OPCML: variants seen among roughly 807,000 people sequenced by gnomAD.
The protein encoded by OPCML is opioid-binding protein/cell adhesion molecule.
In OPCML, 13 loss-of-function variants were observed where a neutral mutation model predicts 37.8. That is an observed-to-expected ratio of 0.34 (90% CI 0.22 to 0.55). The LOEUF is 0.55. OPCML is among the 20% of genes least tolerant of loss of function. The pLI, the probability that OPCML is intolerant of heterozygous loss-of-function variation, is 0.91. For missense variants in OPCML, 341 were observed against 435.6 expected (o/e 0.78, Z 1.93); for synonymous variants, 176 against 168.8 (o/e 1.04, Z -0.33).
intron 1 of OPCML, chr11:133,420,883 G>C: frequency 1.0e-6 from 1 of 985,360 alleles, no homozygotes; most frequent in African/African-American, 1.7e-5. Flanking sequence ...TTATATGAGC[G>C]TCTCATGAGC....
chr11:132,457,168 C>A (rs191452176), intron 4 of OPCML, among the ~76,000 whole-genome samples: 1 of 152,098 alleles, frequency 6.6e-6, no homozygotes, highest in Admixed American at 6.5e-5. Flanking sequence ...GCAGAGGTAC[C>A]GTGTCACGAA....
intron 1 of OPCML, among the ~76,000 whole-genome samples, chr11:133,305,168 G>A (rs950351823): frequency 3.9e-5 from 6 of 152,152 alleles, no homozygotes; most frequent in African/African-American, 1.2e-4. Flanking sequence ...ATCTCACAGA[G>A]ATGTTGTGAG....
In OPCML at chr11:133,024,865, A is replaced by G. The variant is rs534000152; in HGVS notation, c.62-81855T>C. The G allele has an allele frequency of 5.8e-5, 57 of 985,404 alleles. No homozygotes were observed. In the African/African-American group the frequency reaches 9.6e-4, roughly 17 times the overall value. The allele number at this position is 985,404 out of a possible 1,614,324, so 61.0% of individuals were successfully genotyped here. A position where few individuals can be genotyped will look rare whatever the true frequency, so the allele number is the denominator to read the frequency against. On this transcript the variant is annotated intron_variant, in intron 1 of 7. Transcript: ENST00000524381. The stretch of plus-strand genomic sequence containing the variant: ...AAGGACCTGCTTTCATGTCCCTTCT[A>G]TGCCAGTGATTTTCCAAAATAGAGT...
intron 3 of OPCML, among the ~76,000 whole-genome samples, chr11:132,549,753 T>C (rs1410047575): frequency 6.6e-6 from 1 of 152,174 alleles, no homozygotes; most frequent in Admixed American, 6.5e-5. Flanking sequence ...GAAAACCTAT[T>C]TGCAGAATAA....
intron 1 of OPCML, among the ~76,000 whole-genome samples, chr11:133,415,777 TC>T (rs1446375030): frequency 6.6e-6 from 1 of 152,208 alleles, no homozygotes; most frequent in African/African-American, 2.4e-5. Context: ...ACAGAGGCTT[TC>T]CTGAGTCAGA....
intron 2 of OPCML, among the ~76,000 whole-genome samples, chr11:132,849,533 A>G (rs1941702587): frequency 6.6e-6 from 1 of 152,178 alleles, no homozygotes; most frequent in Non-Finnish European, 1.5e-5. Context: ...AGTGCTATGG[A>G]GACAAATCAA....
Position 132,914,614 on chromosome 11 carries a change from C to A in OPCML, c.146+28312G>T, listed in dbSNP as rs552818174. On this transcript the variant is annotated intron_variant, in intron 2 of 7. Transcript: ENST00000524381. ...GTGAACGGCTGTGCTGGAAGGCGGG[C>A]TCTTTACCTGACCTCAGTCACACTG... Among the ~76,000 whole-genome samples the A allele has an allele frequency of 5.3e-5, 8 of 152,326 alleles. No individual in the cohort carries two copies. In the South Asian group the frequency reaches 1.7e-3, roughly 32 times the overall value.
intron 3 of OPCML, among the ~76,000 whole-genome samples, chr11:132,609,223 G>T (rs75342941): frequency 6.6e-6 from 1 of 152,148 alleles, no homozygotes; most frequent in African/African-American, 2.4e-5. Flanking sequence ...TGCCTATTCT[G>T]TCAGGAATTC....
intron 1 of OPCML, among the ~76,000 whole-genome samples, chr11:133,266,353 C>A (rs1330182392): frequency 6.6e-6 from 1 of 152,140 alleles, no homozygotes; most frequent in African/African-American, 2.4e-5. Flanking sequence ...CCCTCACCAA[C>A]CTCCAAGACC....
intron 2 of OPCML, among the ~76,000 whole-genome samples, chr11:132,763,901 A>G (rs537099947): frequency 6.6e-6 from 1 of 152,350 alleles, no homozygotes; most frequent in East Asian, 1.9e-4. Context: ...GCTCACAAAC[A>G]CTAGAACTCA....
chr11:132,553,059 CAGCCGA>C (rs1222486761), intron 3 of OPCML, among the ~76,000 whole-genome samples: 1 of 152,160 alleles, frequency 6.6e-6, no homozygotes, highest in African/African-American at 2.4e-5. Flanking sequence ...CCACTACGCG[CAGCCGA>C]ATTAAACACT....
At chr11:132,673,301 T>C (rs1024985043) in intron 2 of OPCML, among the ~76,000 whole-genome samples, 2 of 152,084 alleles carry the variant, frequency 1.3e-5, no homozygotes, top group African/African-American at 4.8e-5. Context: ...ATGATGATGA[T>C]GATGATGATC....
intron 1 of OPCML, among the ~76,000 whole-genome samples, chr11:133,430,158 A>C (rs949804764): frequency 2.0e-5 from 3 of 152,194 alleles, no homozygotes; most frequent in Admixed American, 1.3e-4. Context: ...TCACATCAAG[A>C]ATGAAAACTG....
chr11:132,747,700 C>G (rs1244392779), intron 2 of OPCML, among the ~76,000 whole-genome samples: 2 of 152,166 alleles, frequency 1.3e-5, no homozygotes, highest in Non-Finnish European at 2.9e-5. Flanking sequence ...AGACGGAACT[C>G]AGAAGGGAGA....
intron 3 of OPCML, among the ~76,000 whole-genome samples, chr11:132,606,805 A>G (rs544723381): frequency 6.6e-6 from 1 of 152,160 alleles, no homozygotes. Flanking sequence ...ATAAGAAAAA[A>G]TCCCATGGAC....
In OPCML at chr11:132,586,626, G is replaced by A. The variant is rs4636683; in HGVS notation, c.380-57440C>T. Among the ~76,000 whole-genome samples, 2,956 of 152,274 alleles carry A rather than the reference G, an allele frequency of 0.019. 199 individuals are homozygous for A. The East Asian group carries it at 0.22, about 11-fold the overall frequency. On this transcript the variant is annotated intron_variant, in intron 3 of 7. Coordinates refer to ENST00000524381, the MANE Select transcript of OPCML (RefSeq NM_001012393.5). Reference sequence around the variant, plus strand: ...TACGACAACTCTCCAGCTTTCTGACGTATTCCAAAGGGACACAGACTGCCT... The same window carrying A: ...TACGACAACTCTCCAGCTTTCTGACATATTCCAAAGGGACACAGACTGCCT...
chr11:132,679,795 G>T (rs547886621), intron 2 of OPCML, among the ~76,000 whole-genome samples: 1 of 152,276 alleles, frequency 6.6e-6, no homozygotes, highest in African/African-American at 2.4e-5. Context: ...GGAGGAGTGT[G>T]CCTAATCCAT....
At chr11:133,263,616 G>A (rs1941560523) in intron 1 of OPCML, among the ~76,000 whole-genome samples, 1 of 152,140 alleles carries the variant, frequency 6.6e-6, no homozygotes, top group South Asian at 2.1e-4. Context: ...GTGTGTAACT[G>A]TAGTTACTAT....
chr11:132,686,714 G>T (rs889054936), intron 2 of OPCML, among the ~76,000 whole-genome samples: 1 of 152,100 alleles, frequency 6.6e-6, no homozygotes, highest in Non-Finnish European at 1.5e-5. Context: ...TTGACCCTAG[G>T]TTTCTAGGAC....
Sources: gnomAD v4.1 joint callset for allele counts (sites outside exome capture counted in the v4.1 genomes callset) on GRCh38, gnomAD v4.1.1 for gene constraint, MANE v1.5 for transcripts, NCBI Gene and HGNC (gene_info 2026-07-23, HGNC 2026-07-21) for gene names.